The following SYNE1 variants were observed in gnomAD, a reference collection of about 807,000 sequenced individuals.
The protein encoded by SYNE1 is spectrin repeat containing nuclear envelope protein 1, also known as nesprin-1.
Under a neutral mutation model 1,111.0 loss-of-function variants are expected in SYNE1, and 616 were observed. The ratio of observed to expected loss-of-function variants is 0.55; its 90% CI spans 0.52 to 0.59. The LOEUF is 0.59. Among genes scored for constraint, SYNE1 ranks in the 20% least tolerant of loss-of-function variants. The pLI, the probability that SYNE1 is intolerant of heterozygous loss-of-function variation, is 0.00. For missense variants in SYNE1, 10,006 were observed against 10,417.0 expected, an observed-to-expected ratio of 0.96 and a Z score of 1.72; for synonymous variants, 3,855 against 3,825.8, an observed-to-expected ratio of 1.01 and a Z score of -0.28.
At chr6:152,466,972 C>T (rs7769285) in intron 16 of SYNE1, among the ~76,000 whole-genome samples, 4,858 of 152,102 alleles carry the variant, frequency 0.032, 265 homozygotes, top group African/African-American at 0.11. Flanking sequence ...TTGTATAGCA[C>T]GCTGATGAAT....
chr6:152,235,271 T>G (rs2083736422), intron 110 of SYNE1, among the ~76,000 whole-genome samples: 1 of 152,174 alleles, frequency 6.6e-6, no homozygotes, highest in African/African-American at 2.4e-5. Context: ...AGGGTGAAAC[T>G]CAAAGGTAAG....
At chr6:152,585,247 A>G (rs1034234419) in intron 3 of SYNE1, among the ~76,000 whole-genome samples, 1 of 152,200 alleles carries the variant, frequency 6.6e-6, no homozygotes, top group East Asian at 1.9e-4. Flanking sequence ...CTGAACTGTG[A>G]GTCAATTAAA....
chr6:152,357,631 T>C lies in SYNE1; in HGVS notation c.10608+742A>G, dbSNP rs1029352977. Among the ~76,000 whole-genome samples, 5 of 152,316 alleles carry C rather than the reference T, an allele frequency of 3.3e-5. No individual in the cohort carries two copies. The East Asian group carries it at 7.7e-4, about 24-fold the overall frequency. ...GCTACCATAAGACCCCTTACATTAGTCTACTAATGTCCTCGCCATATTATT... is the reference window on the plus strand; with the variant it reads ...GCTACCATAAGACCCCTTACATTAGCCTACTAATGTCCTCGCCATATTATT... On this transcript the variant is annotated intron_variant, in intron 66 of 145. Transcript: ENST00000367255.
At position 152,401,381 on chromosome 6, in the gene SYNE1, C is replaced by G. The variant is rs867403993; in HGVS notation, c.6826-40G>C. The G allele has an allele frequency of 7.6e-6, 12 of 1,573,454 alleles. 1 individual carries two copies. Among genetic ancestry groups the G allele is most frequent in the Middle Eastern group, 1.7e-4 (1 of 5,996 alleles). ...AGATTTCATCAATATCTCTGAAGAC[C>G]AGAAGAATACTCATTCAGTAGAAAT... On this transcript the variant is annotated intron_variant, in intron 46 of 145. Transcript: ENST00000367255.
chr6:152,312,697 AT>A (rs1318663587), intron 87 of SYNE1, among the ~76,000 whole-genome samples: 1 of 150,606 alleles, frequency 6.6e-6, no homozygotes, highest in East Asian at 1.9e-4. Context: ...GACTTGGAAA[AT>A]ATTGAAAATA....
chr6:152,534,149 C>A (rs188765234), intron 4 of SYNE1, among the ~76,000 whole-genome samples: 127 of 150,592 alleles, frequency 8.4e-4, no homozygotes, highest in African/African-American at 2.9e-3. Context: ...CAGAGCAAGA[C>A]TCTGTCTCAA....
Position 152,347,091 on chromosome 6 carries a change from T to C in SYNE1, c.12046A>G (p.Ser4016Gly). The C allele has an allele frequency of 6.2e-7, 1 of 1,614,238 alleles. No individual in the cohort carries two copies. The highest frequency in any genetic ancestry group is 8.5e-7 in the Non-Finnish European group (1 of 1,180,040). Residue 4016 changes from serine (S) to glycine (G), a missense_variant, in exon 73 of 146, where the codon AGC becomes GGC. This residue lies in a region of SYNE1 where 4,955 missense variants were observed against 5,017.2 expected (regional missense o/e 0.99). Coordinates refer to ENST00000367255, the MANE Select transcript of SYNE1 (RefSeq NM_182961.4). ...VHAHLQGTKD[S>G]YSAICSTAQR... ...GCTGTGCTGCAGATCGCTGAGTAGC[T>C]GTCCTTTGTGCCCTGCAGATGAGCA...
chr6:152,472,222 G>T, intron 15 of SYNE1, 79 bp downstream of exon 15: 1 of 1,302,212 alleles, frequency 7.7e-7, no homozygotes. Flanking sequence ...AAAAAATCAT[G>T]AAAAAATAAA....
intron 4 of SYNE1, 63 bp from the exon 5 acceptor site, chr6:152,526,238 C>G: frequency 6.6e-7 from 1 of 1,504,802 alleles, no homozygotes; most frequent in Non-Finnish European, 9.2e-7. Context: ...CTCTCTTTCT[C>G]TCTCTCACCT....
chr6:152,241,527 T>TGTGTGTGTGTGTGAGTGA (rs59737931), intron 107 of SYNE1, among the ~76,000 whole-genome samples: 3 of 145,032 alleles, frequency 2.1e-5, no homozygotes, highest in Non-Finnish European at 4.5e-5. Flanking sequence ...TGTGTGTGTG[T>TGTGTGTGTGTGTGAGTGA]GTGAAATACG....
chr6:152,188,973 AAAAAAAAAAAAATATAT>A (rs2071199612), intron 128 of SYNE1, among the ~76,000 whole-genome samples: 1 of 60,602 alleles, frequency 1.7e-5, no homozygotes, highest in African/African-American at 8.0e-5. Context: ...AAAAAAAAAA[AAAAAAAAAAAAATATAT>A]ATATATATAT....
intron 90 of SYNE1, among the ~76,000 whole-genome samples, chr6:152,309,445 G>A (rs2095482724): frequency 6.6e-6 from 1 of 151,966 alleles, no homozygotes. Context: ...AAAGAAAATG[G>A]ATTTAATGCT....
intron 21 of SYNE1, among the ~76,000 whole-genome samples, chr6:152,459,234 C>G (rs17082717): frequency 6.6e-6 from 1 of 152,234 alleles, no homozygotes; most frequent in Non-Finnish European, 1.5e-5. Flanking sequence ...CAGATGGCAT[C>G]AAATTATACT....
chr6:152,440,624 G>A (rs1252917855), intron 32 of SYNE1, among the ~76,000 whole-genome samples: 1 of 144,228 alleles, frequency 6.9e-6, no homozygotes, highest in African/African-American at 2.6e-5. Context: ...CTGGAGTGCA[G>A]TGGTGCCATC....
At chr6:152,302,279 C>T in intron 91 of SYNE1, 2 of 627,214 alleles carry the variant, frequency 3.2e-6, no homozygotes, top group South Asian at 1.9e-5. Flanking sequence ...TGCCCGAGCC[C>T]GCGTCCCCGC....
Position 152,224,539 on chromosome 6 carries a change from C to T in SYNE1, c.21477G>A (p.Leu7159=). The T allele has an allele frequency of 6.2e-7, 1 of 1,614,002 alleles. No homozygotes were observed. The highest frequency in any genetic ancestry group is 2.2e-5 in the East Asian group (1 of 44,852). ...CTTGCACAGCTTCTAAGGAGCCAGT[C>T]AGCAGACGGAATCGGGAAAGAGAGT... The part of the protein sequence containing the change: ...ARYSLSRFRL[L]TGSLEAVQVQ... The change falls in exon 117 of 146, where the codon CTG becomes CTA. Residue 7159 remains leucine (L), a synonymous_variant. Transcript: ENST00000367255.
intron 98 of SYNE1, among the ~76,000 whole-genome samples, chr6:152,277,220 C>T (rs1263536824): frequency 6.7e-6 from 1 of 149,994 alleles, no homozygotes; most frequent in African/African-American, 2.4e-5. Context: ...CGTTTCCTCC[C>T]CAACAAGAAG....
At chr6:152,152,226 G>T in intron 133 of SYNE1, 85 bp from the exon 134 acceptor site, 2 of 1,200,188 alleles carry the variant, frequency 1.7e-6, no homozygotes, top group Non-Finnish European at 1.2e-6. Flanking sequence ...TGTAGCGTCT[G>T]GGAGAATGGG....
intron 3 of SYNE1, among the ~76,000 whole-genome samples, chr6:152,545,619 G>A (rs1348779857): frequency 1.3e-5 from 2 of 151,928 alleles, no homozygotes; most frequent in Non-Finnish European, 2.9e-5. Flanking sequence ...AGAAAGAAAT[G>A]CTGTTTACAT....
Sources: allele counts gnomAD v4.1 joint callset (sites outside exome capture counted in the v4.1 genomes callset), GRCh38; gene constraint gnomAD v4.1.1; regional missense constraint gnomAD v4.1.1; transcripts MANE v1.5; gene names NCBI Gene and HGNC (gene_info 2026-07-23, HGNC 2026-07-21).